CELF2: variants seen among roughly 807,000 people sequenced by gnomAD.
CELF2 encodes CUGBP Elav-like family member 2, also known as CUG triplet repeat RNA-binding protein 2.
Under a neutral mutation model 62.6 loss-of-function variants are expected in CELF2, and 8 were observed. The observed-to-expected ratio is 0.13, with a 90% CI of 0.07 to 0.23. The LOEUF (loss-of-function observed/expected upper bound fraction) is 0.23. Ranked by LOEUF, CELF2 falls within the 10% of genes least tolerant of loss-of-function variation. The pLI is 1.00. For missense variants in CELF2, 333 were observed against 671.0 expected (o/e 0.50, Z 5.56); for synonymous variants, 258 against 250.0 (o/e 1.03, Z -0.30).
intron 5 of CELF2, among the ~76,000 whole-genome samples, chr10:11,258,748 G>A (rs574205476): frequency 3.9e-5 from 6 of 152,154 alleles, no homozygotes; most frequent in Non-Finnish European, 7.4e-5. Flanking sequence ...GTGCAGTGGC[G>A]CGATCTCAGC....
At chr10:10,828,743 T>C (rs370326064) in intron 1 of CELF2, among the ~76,000 whole-genome samples, 2 of 152,218 alleles carry the variant, frequency 1.3e-5, no homozygotes, top group Admixed American at 6.5e-5. Context: ...CCAAACAGTA[T>C]GTTAGACCAA....
At chr10:11,032,724 G>A (rs1156769065) in intron 1 of CELF2, among the ~76,000 whole-genome samples, 1 of 152,118 alleles carries the variant, frequency 6.6e-6, no homozygotes, top group Non-Finnish European at 1.5e-5. Context: ...ATCCAAAATA[G>A]AAGCAGAATA....
Position 11,046,728 on chromosome 10 carries a change from GT to G in CELF2, c.74+28570del, listed in dbSNP as rs373895040. ...TGAGGATTCTCATACCTCCCAAAGA[GT>G]TTTTGTAAATCCCATGTCTTTAATC... On this transcript the variant is annotated intron_variant, in intron 1 of 12. Transcript: ENST00000633077. This position sits in a 1 kb window ranked among gnomAD's most constrained non-coding sequence, Gnocchi z 4.6. Among the ~76,000 whole-genome samples the G allele has an allele frequency of 2.1e-4, 32 of 152,314 alleles. No individual in the cohort carries two copies. Among genetic ancestry groups the G allele is most frequent in the African/African-American group, 7.5e-4 (31 of 41,566 alleles).
At chr10:10,946,386 G>A (rs572774607) in intron 2 of CELF2, 2 of 152,656 alleles carry the variant, frequency 1.3e-5, no homozygotes, top group Admixed American at 1.3e-4. Context: ...TACCTACAGA[G>A]CTTTCATTTA....
the CELF2 span, among the ~76,000 whole-genome samples, chr10:10,484,407 C>G: frequency 7.3e-6 from 1 of 136,622 alleles, no homozygotes; most frequent in Admixed American, 7.6e-5. Flanking sequence ...ACCTCTGCCC[C>G]CTGGGTTCAC....
At chr10:10,763,724 A>G in the CELF2 span, among the ~76,000 whole-genome samples, 2 of 152,232 alleles carry the variant, frequency 1.3e-5, no homozygotes, top group African/African-American at 4.8e-5. Flanking sequence ...CAAAAATACA[A>G]CATCCACCTG....
At position 11,314,040 on chromosome 10, in the gene CELF2, T is replaced by G; in HGVS notation, c.977-99T>G. 1 of 1,267,110 alleles carries G rather than the reference T, an allele frequency of 7.9e-7. No individual in the cohort carries two copies. The highest frequency in any genetic ancestry group is 2.3e-5 in the East Asian group (1 of 42,964). The allele number at this position is 1,267,110 out of a possible 1,614,324, so 78.5% of individuals were successfully genotyped here. A position where few individuals can be genotyped will look rare whatever the true frequency, so the allele number is the denominator to read the frequency against. Reference sequence around the variant, plus strand: ...CACCCAAAGCCACAAGCACAGCTCCTCAGCTCCGTCCACTGAGATGATGAC... The same window carrying G: ...CACCCAAAGCCACAAGCACAGCTCCGCAGCTCCGTCCACTGAGATGATGAC... On this transcript the variant is annotated intron_variant, in intron 9 of 12. Coordinates refer to ENST00000633077, the MANE Select transcript of CELF2 (RefSeq NM_001326342.2). The surrounding 1 kb of genome is among the most constrained non-coding windows in gnomAD (Gnocchi z 5.3).
At chr10:11,197,187 G>T (rs111697416) in intron 2 of CELF2, among the ~76,000 whole-genome samples, 2 of 151,864 alleles carry the variant, frequency 1.3e-5, no homozygotes, top group South Asian at 4.2e-4. Context: ...CATTTTACAC[G>T]GAAAAGAAAT....
intron 1 of CELF2, among the ~76,000 whole-genome samples, chr10:10,859,707 T>C (rs1038351842): frequency 2.0e-5 from 3 of 152,168 alleles, no homozygotes; most frequent in Non-Finnish European, 4.4e-5. Flanking sequence ...AGGCCACACA[T>C]TATGCCACTA....
Position 11,217,377 on chromosome 10 carries a change from G to A in CELF2, c.272-48G>A, listed in dbSNP as rs776807174. 2.2e-6 allele frequency: 3 copies of A among 1,343,860 alleles called. No homozygotes were observed. The highest frequency in any genetic ancestry group is 3.2e-6 in the Non-Finnish European group (3 of 941,752). 83.2% of individuals were successfully genotyped at this position (1,343,860 alleles called of 1,614,324 possible). ...TCGCCACAGTCTCCATTATATCTAA[G>A]CAAAGCATTCACAGAAATTTCTAAA... On this transcript the variant is annotated intron_variant, in intron 2 of 12. Transcript: ENST00000633077. This position sits in a 1 kb window ranked among gnomAD's most constrained non-coding sequence, Gnocchi z 5.6.
At chr10:11,034,341 G>T (rs1032143573) in intron 1 of CELF2, among the ~76,000 whole-genome samples, 1 of 142,572 alleles carries the variant, frequency 7.0e-6, no homozygotes, top group Non-Finnish European at 1.5e-5. Context: ...ATTATAATGG[G>T]GCCTCATCTT....
Position 11,255,881 on chromosome 10 carries a change from T to C in CELF2, c.404-1857T>C, listed in dbSNP as rs200052383. Among the ~76,000 whole-genome samples the C allele has an allele frequency of 2.0e-5, 3 of 152,202 alleles. No homozygotes were observed. The highest frequency in any genetic ancestry group is 7.2e-5 in the African/African-American group (3 of 41,450). On this transcript the variant is annotated intron_variant, in intron 4 of 12. Coordinates refer to ENST00000633077, the MANE Select transcript of CELF2 (RefSeq NM_001326342.2). This position sits in a 1 kb window ranked among gnomAD's most constrained non-coding sequence, Gnocchi z 5.5. The stretch of plus-strand genomic sequence containing the variant: ...CGGACCTAGAACCTTGGTCTTCTAA[T>C]CACCGCCATTGCTCTCCCCTTCAAG...
chr10:10,577,362 T>A, the CELF2 span, among the ~76,000 whole-genome samples: 1 of 142,874 alleles, frequency 7.0e-6, no homozygotes, highest in Non-Finnish European at 1.5e-5. Context: ...TCAACAAATC[T>A]TTTTATTATT....
the CELF2 span, among the ~76,000 whole-genome samples, chr10:10,623,839 C>T: frequency 6.6e-6 from 1 of 152,192 alleles, no homozygotes; most frequent in African/African-American, 2.4e-5. Flanking sequence ...TTATACCCAA[C>T]TTACAGGTCA....
At chr10:10,884,805 G>A (rs2133772086) in intron 1 of CELF2, among the ~76,000 whole-genome samples, 1 of 152,342 alleles carries the variant, frequency 6.6e-6, no homozygotes, top group Admixed American at 6.5e-5. Context: ...GTGCCACTGT[G>A]TATGACTTTG....
intron 1 of CELF2, among the ~76,000 whole-genome samples, chr10:10,831,570 C>T (rs1378598030): frequency 6.6e-6 from 1 of 152,158 alleles, no homozygotes; most frequent in African/African-American, 2.4e-5. Context: ...CAAGGGGGCC[C>T]CTGACATCAA....
the CELF2 span, among the ~76,000 whole-genome samples, chr10:10,759,437 G>A: frequency 6.7e-6 from 1 of 149,960 alleles, no homozygotes; most frequent in Non-Finnish European, 1.5e-5. Flanking sequence ...AGGCTCCCAA[G>A]TACCTGGGAT....
chr10:11,329,178 A>AT lies in CELF2; in HGVS notation c.*130dup, dbSNP rs2095913779. 9 of 1,032,170 alleles carry AT rather than the reference A, an allele frequency of 8.7e-6. No individual in the cohort carries two copies. Among genetic ancestry groups the AT allele is most frequent in the South Asian group, 1.9e-5 (1 of 51,478 alleles). 63.9% of individuals were successfully genotyped at this position (1,032,170 alleles called of 1,614,324 possible). A position where few individuals can be genotyped will look rare whatever the true frequency, so the allele number is the denominator to read the frequency against. On this transcript the variant is annotated 3_prime_UTR_variant, in exon 13 of 13. Transcript: ENST00000633077. The surrounding 1 kb of genome is among the most constrained non-coding windows in gnomAD (Gnocchi z 5.5). ...CCAACTTTTACCAAGAGAGACGGTT[A>AT]TTTTTACAATAAGGCCTCCATGTCC...
chr10:11,160,573 GACTGTGCAAATACAGA>G (rs1390378522), intron 1 of CELF2, among the ~76,000 whole-genome samples: 18 of 148,776 alleles, frequency 1.2e-4, no homozygotes, highest in Non-Finnish European at 2.4e-4. Flanking sequence ...CACCATATTG[GACTGTGCAAATACAGA>G]ACATTTCCTT....
Sources: allele counts gnomAD v4.1 joint callset (sites outside exome capture counted in the v4.1 genomes callset), GRCh38; gene constraint gnomAD v4.1.1; non-coding constraint Gnocchi (gnomAD v3.1); transcripts MANE v1.5; gene names NCBI Gene and HGNC (gene_info 2026-07-23, HGNC 2026-07-21).